The following EFCAB7 variants were observed in gnomAD, a reference collection of about 807,000 sequenced individuals.
EFCAB7 encodes the protein EF-hand calcium-binding domain-containing protein 7.
In EFCAB7, 66 loss-of-function variants were observed where a neutral mutation model predicts 77.1. The ratio of observed to expected loss-of-function variants is 0.86; its 90% confidence interval spans 0.70 to 1.05. The LOEUF (loss-of-function observed/expected upper bound fraction) is 1.05, where lower values mean the gene tolerates loss of function less well. EFCAB7 is among the 50% of genes least tolerant of loss of function. EFCAB7 has a pLI of 0.00. For missense variants in EFCAB7, 638 were observed against 730.5 expected, an observed-to-expected ratio of 0.87 and a Z score of 1.46; for synonymous variants, 225 against 243.3, an observed-to-expected ratio of 0.92 and a Z score of 0.70.
chr1:63,556,979 A>T, intron 9 of EFCAB7, 135 bp from the exon 10 acceptor site: 1 of 553,234 alleles, frequency 1.8e-6, no homozygotes, highest in South Asian at 2.5e-5. Context: ...CGGTGCTTGC[A>T]GTGAGCCGAG....
chr1:63,556,694 C>T (rs764511626), intron 9 of EFCAB7, among the ~76,000 whole-genome samples: 10 of 152,014 alleles, frequency 6.6e-5, no homozygotes, highest in South Asian at 2.1e-4. Flanking sequence ...AATTGTGTAA[C>T]GCTATATTAC....
intron 4 of EFCAB7, 28 bp from the exon 5 acceptor site, chr1:63,533,426 T>C (rs202119910): frequency 6.8e-5 from 107 of 1,567,094 alleles, no homozygotes; most frequent in Admixed American, 3.2e-4. Context: ...TTGAATGTTT[T>C]ACCCACTGGA....
At position 63,534,284 on chromosome 1, in the gene EFCAB7, G is replaced by T. The variant is rs185346195; in HGVS notation, c.804+68G>T. ...TTTGACATTAAGTTTATTAATAACTGTGCAGTGTCTACAGGGAACCAGTAA... is the reference window on the plus strand; with the variant it reads ...TTTGACATTAAGTTTATTAATAACTTTGCAGTGTCTACAGGGAACCAGTAA... On this transcript the variant is annotated intron_variant, in intron 6 of 13. Transcript: ENST00000371088. 4.5e-4 allele frequency: 635 copies of T among 1,414,686 alleles called. 5 individuals carry two copies. In the African/African-American group the frequency reaches 8.3e-3, roughly 18 times the overall value. 87.6% of individuals were successfully genotyped at this position (1,414,686 alleles called of 1,614,324 possible).
intron 1 of EFCAB7, among the ~76,000 whole-genome samples, chr1:63,523,854 G>T (rs1348773646): frequency 2.0e-5 from 3 of 152,170 alleles, no homozygotes; most frequent in Non-Finnish European, 4.4e-5. Context: ...TGTAGGGACG[G>T]TGACTGGACG....
At chr1:63,559,829 G>A (rs1647073999) in intron 10 of EFCAB7, among the ~76,000 whole-genome samples, 1 of 152,076 alleles carries the variant, frequency 6.6e-6, no homozygotes, top group Admixed American at 6.6e-5. Context: ...AATATCAGTT[G>A]AATATATTTA....
chr1:63,533,545 T>A lies in EFCAB7; in HGVS notation c.578T>A (p.Phe193Tyr). ...GACAGTAAATTGATGCGTCACCAGT[T>A]TGGAAACCACATCGAAGGGTCCCCT... Reference protein sequence around the residue: ...EVDSKLMRHQFGNHIEGSPER... With the variant: ...EVDSKLMRHQYGNHIEGSPER... Residue 193 changes from phenylalanine (F) to tyrosine (Y), a missense_variant, in exon 5 of 14, where the codon TTT becomes TAT. By Grantham distance (22) the Phe-to-Tyr change is conservative. Transcript: ENST00000371088. The A allele has an allele frequency of 1.2e-6, 2 of 1,613,444 alleles. No homozygotes were observed. Among genetic ancestry groups the A allele is most frequent in the Admixed American group, 3.3e-5 (2 of 59,908 alleles).
In EFCAB7 at chr1:63,533,480, C is replaced by T. The variant is rs139108325; in HGVS notation, c.513C>T (p.Asn171=). 84 of 1,603,044 alleles carry T rather than the reference C, an allele frequency of 5.2e-5. No individual in the cohort carries two copies. The highest frequency in any genetic ancestry group is 5.1e-4 in the African/African-American group (38 of 73,898). Residue 171 remains asparagine (N), a synonymous_variant, in exon 5 of 14, where the codon AAC becomes AAT. Transcript: ENST00000371088. ...TTTGTAAATTATATATGACAACCAA[C>T]GAGCAATGTCTCAAGACTACACTAG... ...IKFCKLYMTT[N]EQCLKTTLEK... is the part of the protein sequence containing the mutation.
In EFCAB7 at chr1:63,540,165, C is replaced by T. The variant is rs367766112; in HGVS notation, c.805-5751C>T. 7.8e-3 allele frequency among the ~76,000 whole-genome samples: 1,187 copies of T among 152,052 alleles called. 13 individuals are homozygous for T. Among genetic ancestry groups the T allele is most frequent in the African/African-American group, 0.026 (1,074 of 41,456 alleles). ...ATCACTTGAGGTCAGGAGTTTGAGA[C>T]CAGCCTGGCCAACATAGTGAAACCC... is the stretch of plus-strand genomic sequence containing the variant. On this transcript the variant is annotated intron_variant, in intron 6 of 13. Transcript: ENST00000371088.
intron 3 of EFCAB7, among the ~76,000 whole-genome samples, chr1:63,532,334 A>G (rs1646708096): frequency 6.6e-6 from 1 of 152,102 alleles, no homozygotes; most frequent in Admixed American, 6.6e-5. Context: ...GGAAAACCAA[A>G]TATAAATGGG....
chr1:63,556,351 T>C (rs1005913346), intron 9 of EFCAB7, among the ~76,000 whole-genome samples: 1 of 152,184 alleles, frequency 6.6e-6, no homozygotes, highest in African/African-American at 2.4e-5. Context: ...AAAAATCACA[T>C]TGTACACCAT....
At chr1:63,567,608 G>A (rs1166155653) in intron 11 of EFCAB7, among the ~76,000 whole-genome samples, 2 of 152,152 alleles carry the variant, frequency 1.3e-5, no homozygotes, top group African/African-American at 4.8e-5. Flanking sequence ...GGAAGACAAG[G>A]TACCTATGTG....
chr1:63,557,327 A>G (rs953471575), intron 10 of EFCAB7, 80 bp downstream of exon 10: 37 of 1,294,722 alleles, frequency 2.9e-5, no homozygotes, highest in South Asian at 8.8e-5. Flanking sequence ...TGAGAAGTCA[A>G]ACTTCTGCAT....
At chr1:63,564,102 G>A (rs542232652) in intron 11 of EFCAB7, among the ~76,000 whole-genome samples, 14 of 152,050 alleles carry the variant, frequency 9.2e-5, no homozygotes, top group Non-Finnish European at 1.6e-4. Flanking sequence ...ATGTTAACAG[G>A]TAGTTGAGAG....
intron 11 of EFCAB7, 30 bp downstream of exon 11, chr1:63,561,887 G>T: frequency 6.7e-7 from 1 of 1,497,124 alleles, no homozygotes; most frequent in Non-Finnish European, 8.9e-7. Flanking sequence ...TTGCCAATGG[G>T]TTTAATGTAC....
chr1:63,579,819 T>C, the EFCAB7 span, among the ~76,000 whole-genome samples: 1 of 152,226 alleles, frequency 6.6e-6, no homozygotes, highest in Non-Finnish European at 1.5e-5. Context: ...CAACTTTTCA[T>C]AGGCTTGTCA....
chr1:63,566,883 ATATT>A lies in EFCAB7; in HGVS notation c.1498-1417_1498-1414del, dbSNP rs1037224929. ...AAATATTTTATAATTATTTTATTTT[ATATT>A]TATTTATTTTATATTATTAAAATAT... On this transcript the variant is annotated intron_variant, in intron 11 of 13. Transcript: ENST00000371088. 1.1e-3 allele frequency among the ~76,000 whole-genome samples: 158 copies of A among 149,116 alleles called. 1 individual carries two copies. Among genetic ancestry groups the A allele is most frequent in the South Asian group, 2.9e-3 (14 of 4,798 alleles).
At chr1:63,580,043 G>T in the EFCAB7 span, among the ~76,000 whole-genome samples, 1 of 152,064 alleles carries the variant, frequency 6.6e-6, no homozygotes, top group African/African-American at 2.4e-5. Context: ...TAACTGGATC[G>T]TATAGAGAGT....
At chr1:63,565,630 A>T (rs896514448) in intron 11 of EFCAB7, among the ~76,000 whole-genome samples, 5 of 152,232 alleles carry the variant, frequency 3.3e-5, no homozygotes, top group African/African-American at 1.2e-4. Flanking sequence ...CAAACTATGC[A>T]TCTGACAAAG....
intron 2 of EFCAB7, among the ~76,000 whole-genome samples, chr1:63,526,794 T>C (rs1460870579): frequency 6.6e-6 from 1 of 152,204 alleles, no homozygotes; most frequent in Non-Finnish European, 1.5e-5. Flanking sequence ...AGACGGAGTC[T>C]TGCTCTGTCT....
Sources: allele counts gnomAD v4.1 joint callset (sites outside exome capture counted in the v4.1 genomes callset), GRCh38; gene constraint gnomAD v4.1.1; transcripts MANE v1.5; gene names NCBI Gene and HGNC (gene_info 2026-07-23, HGNC 2026-07-21).